Variants in SORCS2 observed in about 807,000 individuals in gnomAD.
SORCS2 encodes the protein sortilin related VPS10 domain containing receptor 2.
In SORCS2, 100 loss-of-function variants were observed where a neutral mutation model predicts 141.6. The ratio of observed to expected loss-of-function variants is 0.71; its 90% confidence interval spans 0.60 to 0.83. SORCS2 has a LOEUF of 0.83. Among genes scored for constraint, SORCS2 ranks in the 40% least tolerant of loss-of-function variants. The probability of loss-of-function intolerance (pLI) is 0.00; values close to 1 mark genes in which losing one functional copy is unlikely to be tolerated. For missense variants in SORCS2, 1,646 were observed against 1,560.2 expected (o/e 1.05, Z -0.93); for synonymous variants, 789 against 676.9 (o/e 1.17, Z -2.57).
At chr4:7,288,686 C>G (rs1322852352) in intron 1 of SORCS2, among the ~76,000 whole-genome samples, 2 of 151,436 alleles carry the variant, frequency 1.3e-5, no homozygotes, top group Non-Finnish European at 2.9e-5. Flanking sequence ...TGGATTAGGT[C>G]CCTACTCCTG....
In SORCS2 at chr4:7,733,359, A is replaced by T; in HGVS notation, c.3146A>T (p.Lys1049Met). 1 of 1,580,526 alleles carries T rather than the reference A, an allele frequency of 6.3e-7. No individual in the cohort carries two copies. Among genetic ancestry groups the T allele is most frequent in the Non-Finnish European group, 8.6e-7 (1 of 1,164,312 alleles). ...ATCCAGCAGGTGCTGAACGCACAGA[A>T]GATCAGCTTCCTCCTGCGAGGCGGA... The part of the protein sequence containing the change: ...AAIQQVLNAQ[K>M]ISFLLRGGVR... The change falls in exon 24 of 27, where the codon AAG (lysine) becomes ATG (methionine). Residue 1049 changes from lysine to methionine, a missense_variant. Transcript: ENST00000507866.
At chr4:7,572,089 C>G (rs1715442167) in intron 3 of SORCS2, among the ~76,000 whole-genome samples, 2 of 152,204 alleles carry the variant, frequency 1.3e-5, no homozygotes, top group Non-Finnish European at 2.9e-5. Flanking sequence ...TCTGCCATCT[C>G]ATGCTCCGTG....
rs555579187 is a variant in SORCS2 at position 7,696,644 on chromosome 4, A to G, written c.1592-554A>G. Among the ~76,000 whole-genome samples, 6 of 152,290 alleles carry G rather than the reference A, an allele frequency of 3.9e-5. No homozygotes were observed. The South Asian group carries it at 1.2e-3, about 32-fold the overall frequency. The stretch of plus-strand genomic sequence containing the variant: ...CCAGTGCTGGGGCTCCAGTAAACCC[A>G]AACCACATTCTGCACCCCCAGTTGG... On this transcript the variant is annotated intron_variant, in intron 11 of 26. Coordinates refer to ENST00000507866, the MANE Select transcript of SORCS2 (RefSeq NM_020777.3).
At position 7,229,727 on chromosome 4, in the gene SORCS2, T is replaced by A. The variant is rs192664804; in HGVS notation, c.480+36601T>A. Among the ~76,000 whole-genome samples, 101 of 152,380 alleles carry A rather than the reference T, an allele frequency of 6.6e-4. 1 individual carries two copies. The South Asian group carries it at 8.9e-3, about 13-fold the overall frequency. On this transcript the variant is annotated intron_variant, in intron 1 of 26. Coordinates refer to ENST00000507866, the MANE Select transcript of SORCS2 (RefSeq NM_020777.3). ...ATCTGCATGGTGTTCCGTGGTCAAG[T>A]CTTCGAGTCTCTGGGCAGGAGCAGT...
At chr4:7,532,194 G>A (rs2109547991) in intron 3 of SORCS2, among the ~76,000 whole-genome samples, 1 of 152,302 alleles carries the variant, frequency 6.6e-6, no homozygotes, top group Admixed American at 6.5e-5. Flanking sequence ...ACGTGTGTTT[G>A]TGTCCTGGCC....
At chr4:7,523,646 G>A (rs563116509) in intron 2 of SORCS2, among the ~76,000 whole-genome samples, 4 of 152,198 alleles carry the variant, frequency 2.6e-5, no homozygotes, top group African/African-American at 9.6e-5. Context: ...CAACTGAATG[G>A]GCCACAGCAT....
intron 3 of SORCS2, among the ~76,000 whole-genome samples, chr4:7,558,653 C>T (rs541866896): frequency 2.0e-5 from 3 of 152,334 alleles, no homozygotes; most frequent in South Asian, 2.1e-4. Context: ...CTATGACCGG[C>T]ACAGGGACAC....
At chr4:7,218,110 C>T (rs1728474495) in intron 1 of SORCS2, among the ~76,000 whole-genome samples, 1 of 152,228 alleles carries the variant, frequency 6.6e-6, no homozygotes, top group South Asian at 2.1e-4. Flanking sequence ...AGGAGGGGCC[C>T]TCCTGAAGCC....
rs535174049 is a variant in SORCS2 at position 7,518,128 on chromosome 4, TTTC to T, written c.549-13393_549-13391del. Among the ~76,000 whole-genome samples, 28 of 152,360 alleles carry T rather than the reference TTTC, an allele frequency of 1.8e-4. No individual in the cohort carries two copies. The South Asian group carries it at 5.8e-3, about 32-fold the overall frequency. On this transcript the variant is annotated intron_variant, in intron 2 of 26. Transcript: ENST00000507866. The stretch of plus-strand genomic sequence containing the variant: ...GGTGGATGGTTAAGGTGCAGCTTCT[TTTC>T]TTCTTCTTAGCGTTGTTGTTCTCAA...
chr4:7,459,112 G>T (rs1332701500), intron 2 of SORCS2, among the ~76,000 whole-genome samples: 1 of 152,130 alleles, frequency 6.6e-6, no homozygotes, highest in Non-Finnish European at 1.5e-5. Flanking sequence ...GCGCAAAGGT[G>T]TGGCCCTGAG....
chr4:7,245,233 G>T (rs1479529435), intron 1 of SORCS2, among the ~76,000 whole-genome samples: 13 of 152,160 alleles, frequency 8.5e-5, no homozygotes, highest in Admixed American at 7.2e-4. Flanking sequence ...CTCCAACAGG[G>T]TCTCTTTGGG....
intron 11 of SORCS2, among the ~76,000 whole-genome samples, chr4:7,696,969 G>C (rs939167669): frequency 5.9e-5 from 9 of 152,182 alleles, no homozygotes; most frequent in African/African-American, 2.2e-4. Flanking sequence ...CACCTGTCCC[G>C]GGCCTCTGCT....
intron 1 of SORCS2, among the ~76,000 whole-genome samples, chr4:7,354,049 A>G (rs1479397359): frequency 6.6e-6 from 1 of 152,214 alleles, no homozygotes; most frequent in Admixed American, 6.5e-5. Flanking sequence ...CTGAAATATA[A>G]GAACAGTTCT....
chr4:7,633,684 G>C (rs74806787), intron 3 of SORCS2, among the ~76,000 whole-genome samples: 1 of 151,528 alleles, frequency 6.6e-6, no homozygotes, highest in Non-Finnish European at 1.5e-5. Context: ...TTAAATGTTC[G>C]TAAGGTTGTT....
At chr4:7,475,092 C>T (rs1329453174) in intron 2 of SORCS2, among the ~76,000 whole-genome samples, 1 of 152,230 alleles carries the variant, frequency 6.6e-6, no homozygotes, top group Non-Finnish European at 1.5e-5. Context: ...TTTCCATTTG[C>T]CAATGCCAGG....
At chr4:7,626,341 A>C (rs1020197040) in intron 3 of SORCS2, among the ~76,000 whole-genome samples, 2 of 152,192 alleles carry the variant, frequency 1.3e-5, no homozygotes, top group Non-Finnish European at 2.9e-5. Flanking sequence ...TACAAATGTA[A>C]CACTTTCATT....
chr4:7,705,630 C>T (rs989036451), intron 14 of SORCS2, among the ~76,000 whole-genome samples: 5 of 152,238 alleles, frequency 3.3e-5, no homozygotes, highest in Non-Finnish European at 7.3e-5. Flanking sequence ...GCCATGTGCT[C>T]TGTGGCAGGT....
At chr4:7,726,045 C>G (rs1727196506) in intron 20 of SORCS2, among the ~76,000 whole-genome samples, 1 of 152,256 alleles carries the variant, frequency 6.6e-6, no homozygotes, top group Non-Finnish European at 1.5e-5. Context: ...CACATCCACA[C>G]CCATGGGGGT....
intron 1 of SORCS2, among the ~76,000 whole-genome samples, chr4:7,388,415 T>G (rs1363486843): frequency 6.6e-6 from 1 of 152,176 alleles, no homozygotes; most frequent in Non-Finnish European, 1.5e-5. Context: ...AAATGGAGGC[T>G]TTGAAAGGAG....
Sources: allele counts gnomAD v4.1 joint callset (sites outside exome capture counted in the v4.1 genomes callset), GRCh38; gene constraint gnomAD v4.1.1; transcripts MANE v1.5; gene names NCBI Gene and HGNC (gene_info 2026-07-23, HGNC 2026-07-21).